The following ABR variants were observed in gnomAD, a reference collection of about 807,000 sequenced individuals.
The protein encoded by ABR is active breakpoint cluster region-related protein.
In ABR, 35 loss-of-function variants were observed where a neutral mutation model predicts 107.2. The observed-to-expected ratio is 0.33, with a 90% CI of 0.25 to 0.43. ABR has a LOEUF of 0.43. Ranked by LOEUF, ABR falls within the 20% of genes least tolerant of loss-of-function variation. The probability of loss-of-function intolerance (pLI) is 1.00; values close to 1 mark genes in which losing one functional copy is unlikely to be tolerated. For missense variants in ABR, 815 were observed against 1,115.2 expected, an observed-to-expected ratio of 0.73 and a Z score of 3.83; for synonymous variants, 498 against 462.0, an observed-to-expected ratio of 1.08 and a Z score of -1.00.
At chr17:1,042,989 A>G (rs952170738) in intron 16 of ABR, among the ~76,000 whole-genome samples, 1 of 152,172 alleles carries the variant, frequency 6.6e-6, no homozygotes, top group African/African-American at 2.4e-5. Flanking sequence ...CCCAGACTGG[A>G]CAAATTCGTA....
At chr17:1,015,420 G>GAAAA (rs534410630) in intron 16 of ABR, among the ~76,000 whole-genome samples, 1 of 131,618 alleles carries the variant, frequency 7.6e-6, no homozygotes, top group Non-Finnish European at 1.6e-5. Flanking sequence ...CCTGTCTCAA[G>GAAAA]AAAAAAAAAA....
intron 1 of ABR, among the ~76,000 whole-genome samples, chr17:1,127,667 C>T (rs1319399924): frequency 6.6e-6 from 1 of 152,174 alleles, no homozygotes; most frequent in Non-Finnish European, 1.5e-5. Context: ...CAATAGTGGA[C>T]CGCGGCTTTG....
chr17:1,068,804 G>A lies in ABR; in HGVS notation c.1016+1165C>T, dbSNP rs79976789. Among the ~76,000 whole-genome samples the A allele has an allele frequency of 8.9e-3, 1,354 of 152,290 alleles. 24 individuals carry two copies. Among genetic ancestry groups the A allele is most frequent in the African/African-American group, 0.031 (1,294 of 41,564 alleles). ...GTCCCACCTGTGCCTCTAGCTGTGCGAGCTTGGGCTGCTTATTTACCTTCT... is the reference window on the plus strand; with the variant it reads ...GTCCCACCTGTGCCTCTAGCTGTGCAAGCTTGGGCTGCTTATTTACCTTCT... On this transcript the variant is annotated intron_variant, in intron 9 of 22. Transcript: ENST00000302538.
In ABR at chr17:1,150,915, C is replaced by T. The variant is rs1330011092; in HGVS notation, c.62-25548G>A. On this transcript the variant is annotated intron_variant, in intron 1 of 22. Coordinates refer to ENST00000302538, the MANE Select transcript of ABR (RefSeq NM_021962.5). The surrounding 1 kb of genome is among the most constrained non-coding windows in gnomAD (Gnocchi z 4.8). The stretch of plus-strand genomic sequence containing the variant: ...ATGTGTGCATATATATACACATGTG[C>T]ACACACACACTCCTGGGGGTGAGGA... 2.0e-5 allele frequency among the ~76,000 whole-genome samples: 3 copies of T among 152,074 alleles called. No individual in the cohort carries two copies. The highest frequency in any genetic ancestry group is 2.9e-5 in the Non-Finnish European group (2 of 68,010).
chr17:1,221,014 G>A (rs1458405346), intron 1 of ABR, among the ~76,000 whole-genome samples: 1 of 152,166 alleles, frequency 6.6e-6, no homozygotes, highest in Non-Finnish European at 1.5e-5. Context: ...TTTGTTTACT[G>A]ACTCAATAAA....
At chr17:1,099,596 AAAAG>A (rs1454533740) in intron 3 of ABR, among the ~76,000 whole-genome samples, 1 of 152,216 alleles carries the variant, frequency 6.6e-6, no homozygotes, top group Non-Finnish European at 1.5e-5. Context: ...CAAAATACCC[AAAAG>A]AAAGATTGAC....
chr17:1,204,337 C>CG (rs1375939097), intron 1 of ABR, among the ~76,000 whole-genome samples: 2 of 152,088 alleles, frequency 1.3e-5, no homozygotes, highest in East Asian at 3.9e-4. Flanking sequence ...CCCAGCTACT[C>CG]GGGAGGCTGA....
chr17:1,032,215 C>G (rs141414212), intron 16 of ABR, among the ~76,000 whole-genome samples: 1 of 152,232 alleles, frequency 6.6e-6, no homozygotes, highest in Non-Finnish European at 1.5e-5. Flanking sequence ...CCCTCCTCCC[C>G]GGGCAAAAGA....
intron 10 of ABR, among the ~76,000 whole-genome samples, chr17:1,065,512 G>A (rs1307976489): frequency 7.0e-6 from 1 of 142,770 alleles, no homozygotes; most frequent in Admixed American, 7.2e-5. Context: ...GGCTATGCAT[G>A]TTCCTCTAGA....
At chr17:1,152,649 C>T (rs2040847217) in intron 1 of ABR, among the ~76,000 whole-genome samples, 1 of 151,934 alleles carries the variant, frequency 6.6e-6, no homozygotes, top group Non-Finnish European at 1.5e-5. Context: ...AACAAGTGCT[C>T]AGCACACCTG....
rs1393605366 is a variant in ABR at position 1,050,936 on chromosome 17, C to G, written c.1562-302G>C. Among the ~76,000 whole-genome samples the G allele has an allele frequency of 6.6e-6, 1 of 150,410 alleles. No individual in the cohort carries two copies. The highest frequency in any genetic ancestry group is 1.5e-5 in the Non-Finnish European group (1 of 67,972). ...ACTCTGCCCTTCCCACCTCGGCCCT[C>G]CCCACACTCTGGCCTCCTCCTCCCT... On this transcript the variant is annotated intron_variant, in intron 14 of 22. Transcript: ENST00000302538. The surrounding 1 kb of genome is among the most constrained non-coding windows in gnomAD (Gnocchi z 4.6).
chr17:1,058,786 A>T lies in ABR; in HGVS notation c.1264T>A (p.Ser422Thr), dbSNP rs552608098. 1.2e-6 allele frequency: 2 copies of T among 1,612,654 alleles called. No homozygotes were observed. The highest frequency in any genetic ancestry group is 4.5e-5 in the East Asian group (2 of 44,798). ...FENEFLLLLN[S>T]PTIPFRIHNR... ...TGGATCCTGAACGGGATTGTGGGGG[A>T]GTTGAGCAGCAGCAGGAACTCATTC... is the stretch of plus-strand genomic sequence containing the variant. The change falls in exon 11 of 23, where the codon TCC becomes ACC. Residue 422 changes from serine (S) to threonine (T), a missense_variant. Around this residue, in one of 5 missense-constraint regions of ABR, gnomAD observed 385 missense variants for 596.9 expected, o/e 0.64. Transcript: ENST00000302538.
intron 2 of ABR, among the ~76,000 whole-genome samples, chr17:1,101,774 C>A (rs553429257): frequency 1.3e-5 from 2 of 151,418 alleles, no homozygotes; most frequent in South Asian, 4.2e-4. Flanking sequence ...CGCTCTGTCG[C>A]CCAGGCTAGA....
At chr17:1,215,701 C>T (rs915809857) in intron 1 of ABR, among the ~76,000 whole-genome samples, 8 of 152,078 alleles carry the variant, frequency 5.3e-5, no homozygotes, top group African/African-American at 1.4e-4. Flanking sequence ...TGAGAACGGG[C>T]CATGATGACG....
At chr17:1,127,485 C>T (rs1176892424) in intron 1 of ABR, among the ~76,000 whole-genome samples, 2 of 152,136 alleles carry the variant, frequency 1.3e-5, no homozygotes, top group Non-Finnish European at 2.9e-5. Context: ...CGGCACCCAG[C>T]TGGCCTGAGT....
In ABR at chr17:1,083,633, G is replaced by A. The variant is rs375766465; in HGVS notation, c.532-6C>T. The A allele has an allele frequency of 3.3e-5, 54 of 1,612,642 alleles. No individual in the cohort carries two copies. The highest frequency in any genetic ancestry group is 2.7e-4 in the Admixed American group (16 of 59,998). The stretch of plus-strand genomic sequence containing the variant: ...TACACACCGAGCTGGCTGGCCTGCA[G>A]GGAGGAGTCAGGGAACAGAGGGAGA... On this transcript the variant is annotated splice_polypyrimidine_tract_variant and splice_region_variant and intron_variant, in intron 4 of 22. Transcript: ENST00000302538.
intron 1 of ABR, among the ~76,000 whole-genome samples, chr17:1,215,940 G>A (rs1314333866): frequency 1.4e-5 from 2 of 140,680 alleles, no homozygotes; most frequent in African/African-American, 5.2e-5. Flanking sequence ...TAAGGGCGGT[G>A]CAAGATGTGC....
At chr17:1,043,730 G>T (rs1320404096) in intron 16 of ABR, among the ~76,000 whole-genome samples, 1 of 152,158 alleles carries the variant, frequency 6.6e-6, no homozygotes, top group Admixed American at 6.6e-5. Context: ...TCCCTTCCTG[G>T]CCTGGAACCT....
chr17:1,113,777 CAT>C (rs1473365014), intron 2 of ABR, among the ~76,000 whole-genome samples: 2 of 152,206 alleles, frequency 1.3e-5, no homozygotes, highest in East Asian at 3.8e-4. Flanking sequence ...TGTAGACACA[CAT>C]AATAAAGAAA....
Sources: allele counts gnomAD v4.1 joint callset (sites outside exome capture counted in the v4.1 genomes callset), GRCh38; gene constraint gnomAD v4.1.1; regional missense constraint gnomAD v4.1.1; non-coding constraint Gnocchi (gnomAD v3.1); transcripts MANE v1.5; gene names NCBI Gene and HGNC (gene_info 2026-07-23, HGNC 2026-07-21).